ROCK2: variants seen among roughly 807,000 people sequenced by gnomAD.
ROCK2 encodes Rho associated coiled-coil containing protein kinase 2, also known as rho-associated protein kinase 2.
Under a neutral mutation model 195.1 loss-of-function variants are expected in ROCK2, and 61 were observed. The observed-to-expected ratio is 0.31, with a 90% CI of 0.25 to 0.39. The LOEUF (loss-of-function observed/expected upper bound fraction) is 0.39. ROCK2 is among the 10% of genes least tolerant of loss of function. The pLI, the probability that ROCK2 is intolerant of heterozygous loss-of-function variation, is 1.00. For missense variants in ROCK2, 1,109 were observed against 1,637.4 expected, an observed-to-expected ratio of 0.68 and a Z score of 5.57; for synonymous variants, 504 against 545.5, an observed-to-expected ratio of 0.92 and a Z score of 1.06.
chr2:11,241,727 T>C (rs1418910179), intron 4 of ROCK2, among the ~76,000 whole-genome samples: 1 of 152,164 alleles, frequency 6.6e-6, no homozygotes, highest in African/African-American at 2.4e-5. Flanking sequence ...ACACGTAAAA[T>C]TGAATACTTA....
chr2:11,267,765 G>A lies in ROCK2; in HGVS notation c.325-17967C>T, dbSNP rs1666470614. 2.1e-5 allele frequency among the ~76,000 whole-genome samples: 3 copies of A among 145,854 alleles called. No individual in the cohort carries two copies. The South Asian group carries it at 6.4e-4, about 31-fold the overall frequency. On this transcript the variant is annotated intron_variant, in intron 3 of 32. Coordinates refer to ENST00000315872, the MANE Select transcript of ROCK2 (RefSeq NM_004850.5). ...CACCCAGGCTGGAGTGCAGTGGCACGATCTCGGCTCGCTGGGACTACAGGT... is the reference window on the plus strand; with the variant it reads ...CACCCAGGCTGGAGTGCAGTGGCACAATCTCGGCTCGCTGGGACTACAGGT...
At chr2:11,233,089 C>T (rs1665077140) in intron 5 of ROCK2, among the ~76,000 whole-genome samples, 1 of 152,072 alleles carries the variant, frequency 6.6e-6, no homozygotes. Flanking sequence ...TGGTGTACGC[C>T]TGTTGTCCCA....
chr2:11,224,225 G>A (rs1189104496), intron 7 of ROCK2, 97 bp downstream of exon 7: 1 of 1,183,738 alleles, frequency 8.4e-7, no homozygotes, highest in East Asian at 2.4e-5. Context: ...GGTAATGAGA[G>A]GCAGACTGAT....
chr2:11,315,991 T>C (rs1668178699), intron 1 of ROCK2, among the ~76,000 whole-genome samples: 2 of 152,170 alleles, frequency 1.3e-5, no homozygotes, highest in African/African-American at 4.8e-5. Flanking sequence ...ACGGAATTTA[T>C]GTTGTTTTGA....
At chr2:11,344,958 A>C (rs1669253743), upstream of ROCK2, among the ~76,000 whole-genome samples, 1 of 148,136 alleles carries the variant, frequency 6.8e-6, no homozygotes, top group Non-Finnish European at 1.5e-5. This position sits in a 1 kb window ranked among gnomAD's most constrained non-coding sequence, Gnocchi z 5.4. Context: ...CCCGCGGACT[A>C]CCCCGCGGCC....
chr2:11,306,069 C>G (rs1043880681), intron 1 of ROCK2, among the ~76,000 whole-genome samples: 1 of 152,092 alleles, frequency 6.6e-6, no homozygotes, highest in Non-Finnish European at 1.5e-5. Flanking sequence ...GAAAGAGATT[C>G]GAGAGCCATG....
intron 32 of ROCK2, among the ~76,000 whole-genome samples, chr2:11,186,086 C>G (rs1335057690): frequency 6.6e-6 from 1 of 152,132 alleles, no homozygotes; most frequent in African/African-American, 2.4e-5. Context: ...TGGATGATTA[C>G]TCTAATTTAA....
upstream of ROCK2, among the ~76,000 whole-genome samples, chr2:11,344,761 C>T (rs982402995): frequency 4.0e-5 from 6 of 149,962 alleles, no homozygotes; most frequent in Non-Finnish European, 8.9e-5. This position sits in a 1 kb window ranked among gnomAD's most constrained non-coding sequence, Gnocchi z 5.4. Context: ...CTTTCTTTCC[C>T]TTCCTGCGTC....
intron 32 of ROCK2, among the ~76,000 whole-genome samples, chr2:11,187,020 T>C (rs1004508170): frequency 1.2e-4 from 18 of 152,228 alleles, no homozygotes; most frequent in Admixed American, 8.5e-4. Context: ...GCGAAACTTA[T>C]TGTCAAAGAT....
At chr2:11,198,152 G>T (rs1420576677) in intron 25 of ROCK2, among the ~76,000 whole-genome samples, 1 of 152,194 alleles carries the variant, frequency 6.6e-6, no homozygotes, top group East Asian at 1.9e-4. Flanking sequence ...AACTGTAGGA[G>T]TTGGCAGAGA....
chr2:11,329,924 A>G (rs1213854499), intron 1 of ROCK2, among the ~76,000 whole-genome samples: 2 of 152,242 alleles, frequency 1.3e-5, no homozygotes, highest in African/African-American at 2.4e-5. Flanking sequence ...AGCAAGAAAT[A>G]ATGCCTGAGA....
At position 11,216,192 on chromosome 2, in the gene ROCK2, C is replaced by T. The variant is rs1572255463; in HGVS notation, c.1427G>A (p.Arg476His). 5 of 1,610,656 alleles carry T rather than the reference C, an allele frequency of 3.1e-6. No homozygotes were observed. The highest frequency in any genetic ancestry group is 1.3e-5 in the African/African-American group (1 of 74,874). ...TAGCTCCTTTGCTGTTTTTTCTAGG[C>T]GAGTATTAACAGATCTAAAGAATTT... ...LEQKCKSVNT[R>H]LEKTAKELEE... is the part of the protein sequence containing the mutation. Residue 476 changes from arginine to histidine, a missense_variant, in exon 13 of 33, where the codon CGC becomes CAC. Physicochemically the swap from Arg to His is conservative, Grantham distance 29. Around this residue, in one of 6 missense-constraint regions of ROCK2, gnomAD observed 542 missense variants for 672.0 expected, o/e 0.81. Coordinates refer to ENST00000315872, the MANE Select transcript of ROCK2 (RefSeq NM_004850.5).
chr2:11,276,605 C>T (rs1666835090), intron 3 of ROCK2, among the ~76,000 whole-genome samples: 2 of 152,148 alleles, frequency 1.3e-5, no homozygotes, highest in African/African-American at 2.4e-5. Flanking sequence ...AACCTAGAGT[C>T]AATGCAAACC....
chr2:11,236,419 A>G (rs1665206934), intron 4 of ROCK2, among the ~76,000 whole-genome samples: 1 of 152,188 alleles, frequency 6.6e-6, no homozygotes, highest in Non-Finnish European at 1.5e-5. Flanking sequence ...GGACACAAGA[A>G]GAGGGAATAA....
intron 1 of ROCK2, among the ~76,000 whole-genome samples, chr2:11,338,813 A>C (rs1433966763): frequency 6.6e-6 from 1 of 152,218 alleles, no homozygotes; most frequent in Non-Finnish European, 1.5e-5. Context: ...GATAACTCTC[A>C]GAAACAATGC....
chr2:11,342,434 C>T (rs1669135709), intron 1 of ROCK2, among the ~76,000 whole-genome samples: 1 of 152,102 alleles, frequency 6.6e-6, no homozygotes, highest in African/African-American at 2.4e-5. Context: ...TACATTCAAG[C>T]TCAGAATAAC....
At chr2:11,296,008 GAGAGAGAGAGAGAGA>G (rs1667518842) in intron 1 of ROCK2, among the ~76,000 whole-genome samples, 1 of 95,660 alleles carries the variant, frequency 1.0e-5, no homozygotes. Flanking sequence ...AGAGAGAGGA[GAGAGAGAGAGAGAGA>G]GAGAGAGAGA....
intron 1 of ROCK2, among the ~76,000 whole-genome samples, chr2:11,310,439 A>C (rs1346539603): frequency 1.3e-5 from 2 of 152,332 alleles, no homozygotes; most frequent in East Asian, 3.9e-4. Flanking sequence ...ATATTGCCAC[A>C]TTATTGTGAC....
At position 11,286,788 on chromosome 2, in the gene ROCK2, T is replaced by C. The variant is rs569933945; in HGVS notation, c.224-149A>G. The stretch of plus-strand genomic sequence containing the variant: ...AAGGCTGTTAGTTAAAAATCTAAGA[T>C]ATACATTAACGTTAAAGAACCAAAA... On this transcript the variant is annotated intron_variant, in intron 2 of 32. Transcript: ENST00000315872. 53 of 524,846 alleles carry C rather than the reference T, an allele frequency of 1.0e-4. No individual in the cohort carries two copies. In the Admixed American group the frequency reaches 1.5e-3, roughly 15 times the overall value. The allele number at this position is 524,846 out of a possible 1,614,324, so 32.5% of individuals were successfully genotyped here.
Sources: gnomAD v4.1 joint callset for allele counts (sites outside exome capture counted in the v4.1 genomes callset) on GRCh38, gnomAD v4.1.1 for gene constraint, gnomAD v4.1.1 regional missense constraint, Gnocchi (gnomAD v3.1) non-coding constraint, MANE v1.5 for transcripts, NCBI Gene and HGNC (gene_info 2026-07-23, HGNC 2026-07-21) for gene names.